The following PIWIL4 variants were observed in gnomAD, a reference collection of about 807,000 sequenced individuals.
The protein encoded by PIWIL4 is piwi like RNA-mediated gene silencing 4.
A neutral mutation model predicts 100.9 loss-of-function variants in PIWIL4; 50 were observed. That is an observed-to-expected ratio of 0.50 (90% CI 0.39 to 0.63). PIWIL4 has a LOEUF of 0.63. Ranked by LOEUF, PIWIL4 falls within the 20% of genes least tolerant of loss-of-function variation. PIWIL4 has a pLI of 0.00. For missense variants in PIWIL4, 887 were observed against 1,043.3 expected (o/e 0.85, Z 2.06); for synonymous variants, 342 against 367.5 (o/e 0.93, Z 0.79).
Position 94,618,027 on chromosome 11 carries a change from G to T in PIWIL4, c.2088G>T (p.Gly696=). The change falls in exon 17 of 20, where the codon GGG becomes GGT. Residue 696 remains glycine, a synonymous_variant. Coordinates refer to ENST00000299001, the MANE Select transcript of PIWIL4 (RefSeq NM_152431.3). ...TAATTGTGTACCGTGCTGGTGTAGG[G>T]GATGGTCAGCTGAAAACACTTATTG... ...ARIIVYRAGV[G]DGQLKTLIEY... 6.2e-7 allele frequency: 1 copy of T among 1,609,704 alleles called. No individual in the cohort carries two copies. The highest frequency in any genetic ancestry group is 8.5e-7 in the Non-Finnish European group (1 of 1,177,254).
At chr11:94,589,362 T>C in intron 8 of PIWIL4, 130 bp downstream of exon 8, 1 of 698,530 alleles carries the variant, frequency 1.4e-6, no homozygotes, top group Middle Eastern at 2.5e-4. Flanking sequence ...GACTTGTCTC[T>C]CTCCTTCATC....
At chr11:94,595,208 A>G (rs1382960849) in intron 9 of PIWIL4, 101 bp from the exon 10 acceptor site, 1 of 867,958 alleles carries the variant, frequency 1.2e-6, no homozygotes, top group African/African-American at 1.7e-5. Context: ...TGTGCTATAC[A>G]GATGGTGAAT....
At chr11:94,608,718 A>G in intron 15 of PIWIL4, 32 bp downstream of exon 15, 1 of 1,544,402 alleles carries the variant, frequency 6.5e-7, no homozygotes, top group Non-Finnish European at 8.9e-7. Flanking sequence ...CACATGCTTC[A>G]TTTAGTTAGA....
chr11:94,615,354 C>T (rs141969153), intron 15 of PIWIL4, among the ~76,000 whole-genome samples: 4 of 152,274 alleles, frequency 2.6e-5, no homozygotes, highest in East Asian at 3.9e-4. Flanking sequence ...CTGTGCCCTC[C>T]GTAGGGGAGG....
At chr11:94,569,058 G>C (rs994631787) in intron 2 of PIWIL4, among the ~76,000 whole-genome samples, 1 of 152,118 alleles carries the variant, frequency 6.6e-6, no homozygotes, top group Non-Finnish European at 1.5e-5. Flanking sequence ...ATTCACTGAA[G>C]GATTTTGAAA....
chr11:94,592,304 AGTTT>A (rs1948497096), intron 8 of PIWIL4, among the ~76,000 whole-genome samples: 1 of 152,106 alleles, frequency 6.6e-6, no homozygotes, highest in South Asian at 2.1e-4. Flanking sequence ...CTCTTTCATC[AGTTT>A]GTTGTGCTTT....
At chr11:94,598,630 T>A (rs1280453102) in intron 11 of PIWIL4, among the ~76,000 whole-genome samples, 1 of 151,694 alleles carries the variant, frequency 6.6e-6, no homozygotes, top group African/African-American at 2.4e-5. Flanking sequence ...TTGGGTGTAA[T>A]AAACCAGTAT....
chr11:94,598,021 A>G (rs1161289559), intron 11 of PIWIL4, 106 bp downstream of exon 11: 7 of 767,228 alleles, frequency 9.1e-6, no homozygotes, highest in Non-Finnish European at 1.5e-5. Context: ...TGGTTTGGCC[A>G]TGTACTTCCA....
At position 94,602,469 on chromosome 11, in the gene PIWIL4, G is replaced by A. The variant is rs546142858; in HGVS notation, c.1565+490G>A. Among the ~76,000 whole-genome samples, 62 of 152,308 alleles carry A rather than the reference G, an allele frequency of 4.1e-4. No homozygotes were observed. The South Asian group carries it at 0.011, about 27-fold the overall frequency. Reference sequence around the variant, plus strand: ...TAGCATACTATTAGTCATTCAGAGAGTTTTCTGATAAGACTAAGGTCAACC... The same window carrying A: ...TAGCATACTATTAGTCATTCAGAGAATTTTCTGATAAGACTAAGGTCAACC... On this transcript the variant is annotated intron_variant, in intron 12 of 19. Transcript: ENST00000299001.
rs1266737836 is a variant in PIWIL4 at position 94,619,340 on chromosome 11, T to A, written c.2169-420T>A. ...AATACAGAAGGGATGACAAGAGGAA[T>A]AGGAAGAACTTGTGGTTCTTCCTTT... is the stretch of plus-strand genomic sequence containing the variant. On this transcript the variant is annotated intron_variant, in intron 17 of 19. Transcript: ENST00000299001. Among the ~76,000 whole-genome samples the A allele has an allele frequency of 2.0e-5, 3 of 152,298 alleles. No homozygotes were observed. In the East Asian group the frequency reaches 5.8e-4, roughly 29 times the overall value.
At chr11:94,583,713 A>G in intron 5 of PIWIL4, 144 bp downstream of exon 5, 1 of 1,109,200 alleles carries the variant, frequency 9.0e-7, no homozygotes, top group East Asian at 2.4e-5. Flanking sequence ...ACCTTCTCCT[A>G]CATGAACAAT....
chr11:94,595,410 G>A lies in PIWIL4; in HGVS notation c.1252G>A (p.Val418Met), dbSNP rs537895088. ...SGRQQRLARL[V>M]DNIQRNTNAR... ...CCGGCAGCAGCGCCTGGCCAGGCTTGTGGACAACATCCAGAGGTACTGGAT... is the reference window on the plus strand; with the variant it reads ...CCGGCAGCAGCGCCTGGCCAGGCTTATGGACAACATCCAGAGGTACTGGAT... The change falls in exon 10 of 20, where the codon GTG becomes ATG. Residue 418 changes from valine (V) to methionine (M), a missense_variant. Transcript: ENST00000299001. 1.8e-5 allele frequency: 29 copies of A among 1,613,404 alleles called. No homozygotes were observed. The South Asian group carries it at 2.7e-4, about 15-fold the overall frequency.
intron 15 of PIWIL4, among the ~76,000 whole-genome samples, chr11:94,611,874 C>CT (rs1022583925): frequency 3.9e-5 from 6 of 151,984 alleles, no homozygotes; most frequent in South Asian, 2.1e-4. Flanking sequence ...TCAAATAAAC[C>CT]TTTTTTTTAA....
chr11:94,579,698 T>C (rs1948287749), intron 4 of PIWIL4, among the ~76,000 whole-genome samples: 1 of 152,222 alleles, frequency 6.6e-6, no homozygotes, highest in South Asian at 2.1e-4. Flanking sequence ...ACATTAAAAT[T>C]ATACCATATG....
At chr11:94,576,122 T>C (rs1948232621) in intron 3 of PIWIL4, among the ~76,000 whole-genome samples, 1 of 152,128 alleles carries the variant, frequency 6.6e-6, no homozygotes, top group Non-Finnish European at 1.5e-5. Flanking sequence ...ATAGCATCTA[T>C]TCTATATCAT....
chr11:94,583,347 GT>G, intron 4 of PIWIL4, 100 bp from the exon 5 acceptor site: 1 of 1,351,714 alleles, frequency 7.4e-7, no homozygotes, highest in East Asian at 2.3e-5. Flanking sequence ...CTGCAGTTTT[GT>G]TTTTGTTAAT....
At chr11:94,611,022 A>C (rs1336694140) in intron 15 of PIWIL4, among the ~76,000 whole-genome samples, 1 of 152,184 alleles carries the variant, frequency 6.6e-6, no homozygotes, top group Non-Finnish European at 1.5e-5. Context: ...CATTTATTGA[A>C]GAGACTTTCT....
At chr11:94,575,283 T>C (rs1278881809) in intron 3 of PIWIL4, among the ~76,000 whole-genome samples, 153 bp downstream of exon 3, 2 of 152,258 alleles carry the variant, frequency 1.3e-5, no homozygotes, top group African/African-American at 4.8e-5. Flanking sequence ...GACGCTTTAA[T>C]TTTCTAGCCT....
intron 7 of PIWIL4, among the ~76,000 whole-genome samples, chr11:94,588,152 C>CT (rs1948430726): frequency 6.6e-6 from 1 of 151,980 alleles, no homozygotes; most frequent in African/African-American, 2.4e-5. Flanking sequence ...TGTTTTTCCC[C>CT]TCCTCGTGTC....
Sources: allele counts gnomAD v4.1 joint callset (sites outside exome capture counted in the v4.1 genomes callset), GRCh38; gene constraint gnomAD v4.1.1; transcripts MANE v1.5; gene names NCBI Gene and HGNC (gene_info 2026-07-23, HGNC 2026-07-21).